The following PPIF variants were observed in gnomAD, a reference collection of about 807,000 sequenced individuals.
PPIF encodes the protein peptidylprolyl isomerase F.
Under a neutral mutation model 20.2 loss-of-function variants are expected in PPIF, and 23 were observed. The observed-to-expected ratio is 1.14, with a 90% confidence interval of 0.82 to 1.61. PPIF has a LOEUF of 1.61. Among genes scored for constraint, PPIF ranks in the 40% most tolerant of loss-of-function variants. The pLI is 0.00. For missense variants in PPIF, 287 were observed against 291.6 expected, an observed-to-expected ratio of 0.98 and a Z score of 0.11; for synonymous variants, 113 against 123.1, an observed-to-expected ratio of 0.92 and a Z score of 0.54.
Position 79,353,707 on chromosome 10 carries a change from G to A in PPIF, c.489G>A (p.Trp163Ter). 2 of 1,614,244 alleles carry A rather than the reference G, an allele frequency of 1.2e-6. No homozygotes were observed. The highest frequency in any genetic ancestry group is 1.1e-5 in the South Asian group (1 of 91,088). Reference sequence around the variant, plus strand: ...TCACCCGGGTCACCCGTCCTCACAGGTTGGATGGCAAGCATGTTGTGTTCG... The same window carrying A: ...TCACCCGGGTCACCCGTCCTCACAGATTGGATGGCAAGCATGTTGTGTTCG... Reference protein sequence around the residue: ...QFFICTIKTDWLDGKHVVFGH... With the variant: ...QFFICTIKTD The change falls in exon 6 of 6, where the codon TGG (tryptophan) becomes TGA (stop). Residue 163 changes from tryptophan (W) to a stop codon, truncating the protein, a stop_gained and splice_region_variant. Transcript: ENST00000225174. LOFTEE classifies it high-confidence loss of function.
rs370134618 is a variant in PPIF at position 79,347,702 on chromosome 10, G to T, written c.154G>T (p.Val52Leu). The T allele has an allele frequency of 4.8e-6, 7 of 1,468,206 alleles. No homozygotes were observed. The highest frequency in any genetic ancestry group is 6.3e-6 in the Non-Finnish European group (7 of 1,104,806). The allele number at this position is 1,468,206 out of a possible 1,614,324, so 90.9% of individuals were successfully genotyped here. ...SSGNPLVYLD[V>L]DANGKPLGRV... ...CGGGAACCCGCTCGTGTACCTGGACGTGGACGCCAACGGGAAGCCGCTCGG... is the reference window on the plus strand; with the variant it reads ...CGGGAACCCGCTCGTGTACCTGGACTTGGACGCCAACGGGAAGCCGCTCGG... The change falls in exon 1 of 6, where the codon GTG becomes TTG. Residue 52 changes from valine (V) to leucine (L), a missense_variant. By Grantham distance (32) the Val-to-Leu change is conservative. Coordinates refer to ENST00000225174, the MANE Select transcript of PPIF (RefSeq NM_005729.4).
In PPIF at chr10:79,348,801, A is replaced by G. The variant is rs1855936734; in HGVS notation, c.196-275A>G. On this transcript the variant is annotated intron_variant, in intron 1 of 5. Coordinates refer to ENST00000225174, the MANE Select transcript of PPIF (RefSeq NM_005729.4). ...TGGGCCCAGCTGTGGGAGCACTGCCAGCTGTGTCCACAGAAGTAGGCCAAG... is the reference window on the plus strand; with the variant it reads ...TGGGCCCAGCTGTGGGAGCACTGCCGGCTGTGTCCACAGAAGTAGGCCAAG... Among the ~76,000 whole-genome samples the G allele has an allele frequency of 1.3e-5, 2 of 152,182 alleles. 1 individual carries two copies. The highest frequency in any genetic ancestry group is 1.3e-4 in the Admixed American group (2 of 15,278).
rs2233723 is a variant in PPIF at position 79,353,670 on chromosome 10, C to G, written c.489-37C>G. On this transcript the variant is annotated intron_variant, in intron 5 of 5. Transcript: ENST00000225174. Reference sequence around the variant, plus strand: ...GTCCATGGCATTGGATGACATTGCGCTACACTGTTGCTCACCCGGGTCACC... The same window carrying G: ...GTCCATGGCATTGGATGACATTGCGGTACACTGTTGCTCACCCGGGTCACC... 8.9e-4 allele frequency: 1,440 copies of G among 1,614,176 alleles called. 14 individuals are homozygous for G. The African/African-American group carries it at 0.017, about 19-fold the overall frequency.
chr10:79,351,465 A>C, intron 3 of PPIF, 22 bp from the exon 4 acceptor site: 1 of 1,612,858 alleles, frequency 6.2e-7, no homozygotes. Flanking sequence ...GTAGCCACTC[A>C]GAAGGTGCTT....
intron 2 of PPIF, 44 bp downstream of exon 2, chr10:79,349,150 G>T (rs1253512671): frequency 1.9e-6 from 3 of 1,613,544 alleles, no homozygotes; most frequent in Non-Finnish European, 2.5e-6. Context: ...CTAGAGGGAA[G>T]GGGGCCAGGC....
Position 79,351,438 on chromosome 10 carries a change from C to G in PPIF, c.316-49C>G, listed in dbSNP as rs755109323. On this transcript the variant is annotated intron_variant, in intron 3 of 5. Coordinates refer to ENST00000225174, the MANE Select transcript of PPIF (RefSeq NM_005729.4). ...GCTGCTGCCAGCGCCAGGGCCGTGG[C>G]CCCCGCCTGCTCCATGGTAGCCACT... is the stretch of plus-strand genomic sequence containing the variant. The G allele has an allele frequency of 8.8e-6, 14 of 1,590,194 alleles. No individual in the cohort carries two copies. The Admixed American group carries it at 2.4e-4, about 27-fold the overall frequency.
intron 1 of PPIF, 152 bp downstream of exon 1, chr10:79,347,895 G>A (rs1014135325): frequency 8.5e-7 from 1 of 1,180,296 alleles, no homozygotes. Flanking sequence ...GAGAATGGGC[G>A]TCAGAATGAT....
chr10:79,353,041 G>C (rs1040230504), intron 5 of PPIF, among the ~76,000 whole-genome samples: 1 of 152,256 alleles, frequency 6.6e-6, no homozygotes, highest in Non-Finnish European at 1.5e-5. Flanking sequence ...ACTTGGTAAA[G>C]CCCATTTCCG....
chr10:79,352,324 G>T lies in PPIF; in HGVS notation c.420G>T (p.Leu140=). Residue 140 remains leucine (L), a synonymous_variant, in exon 5 of 6, where the codon CTG becomes CTT. Coordinates refer to ENST00000225174, the MANE Select transcript of PPIF (RefSeq NM_005729.4). ...FTLKHVGPGV[L]SMANAGPNTN... ...CCCTGCTGGTTTTTGCAGGTGTCCT[G>T]TCCATGGCTAATGCTGGTCCTAACA... is the stretch of plus-strand genomic sequence containing the variant. 1 of 1,614,174 alleles carries T rather than the reference G, an allele frequency of 6.2e-7. No individual in the cohort carries two copies. The highest frequency in any genetic ancestry group is 1.1e-5 in the South Asian group (1 of 91,090).
intron 4 of PPIF, 74 bp from the exon 5 acceptor site, chr10:79,352,243 G>A (rs545344390): frequency 4.7e-4 from 645 of 1,368,632 alleles, no homozygotes; most frequent in African/African-American, 2.6e-3. Context: ...GGTTTGCACC[G>A]TCTGCCCTTT....
intron 1 of PPIF, 36 bp from the exon 2 acceptor site, chr10:79,349,040 T>A (rs761098298): frequency 6.2e-7 from 1 of 1,613,780 alleles, no homozygotes; most frequent in Non-Finnish European, 8.5e-7. Flanking sequence ...GCCTCTCCAA[T>A]GACCATCCTC....
At chr10:79,347,801 G>A in intron 1 of PPIF, 58 bp downstream of exon 1, 1 of 1,247,730 alleles carries the variant, frequency 8.0e-7, no homozygotes, top group Non-Finnish European at 1.0e-6. Flanking sequence ...GAGAGCCCTG[G>A]GCCCCGGGCG....
chr10:79,348,625 C>T (rs896501397), intron 1 of PPIF, among the ~76,000 whole-genome samples: 3 of 151,166 alleles, frequency 2.0e-5, no homozygotes, highest in African/African-American at 4.9e-5. Context: ...CTTGCAGCTT[C>T]GAGGGTAGAG....
rs992749259 is a variant in PPIF at position 79,354,040 on chromosome 10, C to T, written c.*198C>T. ...GCTTCCTAATACCCACCCTTCCTCACGACCTCATTTCTGGGCATCTTTGTG... is the reference window on the plus strand; with the variant it reads ...GCTTCCTAATACCCACCCTTCCTCATGACCTCATTTCTGGGCATCTTTGTG... On this transcript the variant is annotated 3_prime_UTR_variant, in exon 6 of 6. Transcript: ENST00000225174. 3.2e-5 allele frequency: 19 copies of T among 603,116 alleles called. 1 individual carries two copies. Among genetic ancestry groups the T allele is most frequent in the East Asian group, 8.7e-5 (3 of 34,582 alleles). The allele number at this position is 603,116 out of a possible 1,614,324, so 37.4% of individuals were successfully genotyped here. A position where few individuals can be genotyped will look rare whatever the true frequency, so the allele number is the denominator to read the frequency against.
intron 2 of PPIF, 45 bp downstream of exon 2, chr10:79,349,151 G>C (rs768735059): frequency 6.2e-7 from 1 of 1,613,550 alleles, no homozygotes. Flanking sequence ...TAGAGGGAAG[G>C]GGGCCAGGCA....
Position 79,353,811 on chromosome 10 carries a change from T to G in PPIF, c.593T>G (p.Ile198Ser), listed in dbSNP as rs761468722. ...AAGAGTGGGAGGACATCCAAGAAGA[T>G]TGTCATCACAGACTGTGGCCAGTTG... is the stretch of plus-strand genomic sequence containing the variant. ...GSKSGRTSKK[I>S]VITDCGQLS The change falls in exon 6 of 6, where the codon ATT becomes AGT. Residue 198 changes from isoleucine to serine, a missense_variant. By Grantham distance (142) the Ile-to-Ser change is moderately radical. Transcript: ENST00000225174. 6.2e-7 allele frequency: 1 copy of G among 1,614,224 alleles called. No homozygotes were observed. The highest frequency in any genetic ancestry group is 1.1e-5 in the South Asian group (1 of 91,080).
Position 79,349,752 on chromosome 10 carries a change from A to G in PPIF, c.314A>G (p.Gln105Arg). The G allele has an allele frequency of 6.2e-7, 1 of 1,613,984 alleles. No homozygotes were observed. Among genetic ancestry groups the G allele is most frequent in the Non-Finnish European group, 8.5e-7 (1 of 1,180,006 alleles). Residue 105 changes from glutamine (Q) to arginine (R), a missense_variant and splice_region_variant, in exon 3 of 6, where the codon CAG becomes CGG. By Grantham distance (43) the Gln-to-Arg change is conservative. Coordinates refer to ENST00000225174, the MANE Select transcript of PPIF (RefSeq NM_005729.4). Reference sequence around the variant, plus strand: ...AGGGTGATCCCTTCCTTCATGTGCCAGGTAATGTAGTTTCCTCTTCTGTAA... The same window carrying G: ...AGGGTGATCCCTTCCTTCATGTGCCGGGTAATGTAGTTTCCTCTTCTGTAA... ...FHRVIPSFMC[Q>R]AGDFTNHNGT...
At chr10:79,352,279 C>A (rs765884230) in intron 4 of PPIF, 38 bp from the exon 5 acceptor site, 1 of 1,592,594 alleles carries the variant, frequency 6.3e-7, no homozygotes. Context: ...GCAGGTGCCT[C>A]CAGGGGCAGC....
In PPIF at chr10:79,352,363, G is replaced by T. The variant is rs765825575; in HGVS notation, c.459G>T (p.Gln153His). The T allele has an allele frequency of 1.4e-5, 22 of 1,614,088 alleles. No individual in the cohort carries two copies. The highest frequency in any genetic ancestry group is 1.4e-5 in the Non-Finnish European group (16 of 1,180,032). ...CTGGTCCTAACACCAACGGCTCCCA[G>T]TTCTTCATCTGCACCATAAAGACAG... ...ANAGPNTNGS[Q>H]FFICTIKTDW... The change falls in exon 5 of 6, where the codon CAG becomes CAT. Residue 153 changes from glutamine to histidine, a missense_variant. By Grantham distance (24) the Gln-to-His change is conservative. Transcript: ENST00000225174.
Sources: gnomAD v4.1 joint callset for allele counts (sites outside exome capture counted in the v4.1 genomes callset) on GRCh38, gnomAD v4.1.1 for gene constraint, MANE v1.5 for transcripts, NCBI Gene and HGNC (gene_info 2026-07-23, HGNC 2026-07-21) for gene names.